Variants in SPON1 observed in about 807,000 individuals in gnomAD.
SPON1 encodes the protein spondin-1.
SPON1 carries 52 observed loss-of-function variants against 111.7 expected under a neutral mutation model. The observed-to-expected ratio is 0.47, with a 90% confidence interval of 0.37 to 0.59. SPON1 has a LOEUF of 0.59. SPON1 is among the 20% of genes least tolerant of loss of function. SPON1 has a pLI of 0.00. For synonymous variants in SPON1, 410 were observed against 395.8 expected (o/e 1.04, Z -0.43); for missense variants, 957 against 1,068.5 (o/e 0.90, Z 1.46).
intron 6 of SPON1, among the ~76,000 whole-genome samples, chr11:14,140,783 T>C (rs1392166637): frequency 2.0e-5 from 3 of 152,108 alleles, no homozygotes; most frequent in African/African-American, 7.2e-5. Context: ...TGTATTTTCT[T>C]CTCCTGGTCC....
chr11:13,993,765 G>T (rs543975377), intron 2 of SPON1, among the ~76,000 whole-genome samples: 1 of 152,264 alleles, frequency 6.6e-6, no homozygotes, highest in East Asian at 1.9e-4. Flanking sequence ...GAGTATCCCT[G>T]GCAGCAACTA....
At chr11:14,143,886 G>A (rs2133864864) in intron 6 of SPON1, among the ~76,000 whole-genome samples, 1 of 152,222 alleles carries the variant, frequency 6.6e-6, no homozygotes, top group South Asian at 2.1e-4. Flanking sequence ...GATATGGAAA[G>A]GCAGAGGTCA....
intron 6 of SPON1, among the ~76,000 whole-genome samples, chr11:14,144,694 A>G (rs1296084277): frequency 2.6e-5 from 4 of 151,484 alleles, no homozygotes; most frequent in Non-Finnish European, 5.9e-5. Context: ...TAAAAACCCA[A>G]AGAAGACTTT....
rs77074788 is a variant in SPON1 at position 14,264,723 on chromosome 11, A to G, written c.2261-801A>G. Among the ~76,000 whole-genome samples the G allele has an allele frequency of 2.7e-3, 404 of 152,328 alleles. 12 individuals are homozygous for G. The East Asian group carries it at 0.064, about 24-fold the overall frequency. On this transcript the variant is annotated intron_variant, in intron 15 of 15. Transcript: ENST00000576479. ...TGTGGTTAACAAATATCTCATGTGTAACCATAAATGTGGTGGGTTCTATAA... is the reference window on the plus strand; with the variant it reads ...TGTGGTTAACAAATATCTCATGTGTGACCATAAATGTGGTGGGTTCTATAA...
chr11:14,146,603 G>A (rs926535627), intron 6 of SPON1, among the ~76,000 whole-genome samples: 1 of 152,098 alleles, frequency 6.6e-6, no homozygotes, highest in African/African-American at 2.4e-5. Context: ...AAATTATACA[G>A]GCTGACGCTA....
chr11:14,035,073 G>A (rs1335697290), intron 2 of SPON1, among the ~76,000 whole-genome samples: 3 of 152,178 alleles, frequency 2.0e-5, no homozygotes, highest in East Asian at 1.9e-4. Flanking sequence ...AAAATATGAA[G>A]CAAAAGTACT....
intron 6 of SPON1, among the ~76,000 whole-genome samples, chr11:14,225,186 A>ACACT (rs527626918): frequency 3.8e-4 from 58 of 152,256 alleles, no homozygotes; most frequent in African/African-American, 1.3e-3. Flanking sequence ...CATAAATGTC[A>ACACT]CACTCGGGCA....
chr11:14,059,411 C>G (rs999201708), intron 3 of SPON1, among the ~76,000 whole-genome samples: 7 of 152,084 alleles, frequency 4.6e-5, no homozygotes, highest in African/African-American at 1.7e-4. Flanking sequence ...TGCATGTGGT[C>G]TCAGGCAGGA....
chr11:14,040,492 A>T (rs1220329186), intron 2 of SPON1, among the ~76,000 whole-genome samples: 4 of 152,214 alleles, frequency 2.6e-5, no homozygotes, highest in African/African-American at 9.6e-5. Flanking sequence ...GATAAAAAGT[A>T]TAAAGATAAA....
At chr11:14,223,358 T>G (rs1554937777) in intron 6 of SPON1, among the ~76,000 whole-genome samples, 1 of 152,188 alleles carries the variant, frequency 6.6e-6, no homozygotes. Flanking sequence ...AGTAAGACCC[T>G]GTCTCATAAA....
At chr11:14,029,174 C>A (rs1848540659) in intron 2 of SPON1, among the ~76,000 whole-genome samples, 1 of 151,920 alleles carries the variant, frequency 6.6e-6, no homozygotes. Context: ...TCTACTGGAG[C>A]CTGTCCATTG....
intron 7 of SPON1, among the ~76,000 whole-genome samples, chr11:14,246,572 T>C (rs566473317): frequency 3.9e-5 from 6 of 152,306 alleles, no homozygotes; most frequent in African/African-American, 1.4e-4. Context: ...ATTAACAATG[T>C]GACCACACCA....
chr11:14,096,660 T>C (rs573236929), intron 5 of SPON1, among the ~76,000 whole-genome samples: 187 of 152,292 alleles, frequency 1.2e-3, no homozygotes, highest in Non-Finnish European at 2.4e-3. Context: ...CTCTCCCTCC[T>C]GGTTCCTGAA....
chr11:14,105,806 A>G (rs2133845878), intron 5 of SPON1, among the ~76,000 whole-genome samples: 1 of 152,282 alleles, frequency 6.6e-6, no homozygotes, highest in East Asian at 1.9e-4. Flanking sequence ...TTCCTCCTGG[A>G]GGTCCAAAAA....
chr11:14,066,759 C>T (rs1848835574), intron 3 of SPON1, among the ~76,000 whole-genome samples: 1 of 152,176 alleles, frequency 6.6e-6, no homozygotes, highest in Non-Finnish European at 1.5e-5. Context: ...AGGCCTGACC[C>T]AGCACAGGGA....
intron 2 of SPON1, among the ~76,000 whole-genome samples, chr11:14,026,221 A>T (rs1211417656): frequency 6.6e-6 from 1 of 152,180 alleles, no homozygotes; most frequent in African/African-American, 2.4e-5. Flanking sequence ...TTCTCTTCAG[A>T]TATTTGATTT....
chr11:14,255,404 C>T (rs1245998145), intron 8 of SPON1, among the ~76,000 whole-genome samples: 2 of 152,180 alleles, frequency 1.3e-5, no homozygotes, highest in African/African-American at 4.8e-5. Flanking sequence ...CTGGGATGGC[C>T]TCTCTGAAAC....
chr11:13,970,270 C>T (rs1554908460), intron 1 of SPON1, among the ~76,000 whole-genome samples: 1 of 152,110 alleles, frequency 6.6e-6, no homozygotes, highest in Non-Finnish European at 1.5e-5. Context: ...ACTAGAAGTC[C>T]TTTGTGAGGT....
chr11:14,001,333 C>T (rs782415716), intron 2 of SPON1, among the ~76,000 whole-genome samples: 6 of 152,134 alleles, frequency 3.9e-5, no homozygotes, highest in Non-Finnish European at 8.8e-5. Context: ...CAGGTTCTCA[C>T]GGTGAAAATC....
Sources: allele counts gnomAD v4.1 joint callset (sites outside exome capture counted in the v4.1 genomes callset), GRCh38; gene constraint gnomAD v4.1.1; transcripts MANE v1.5; gene names NCBI Gene and HGNC (gene_info 2026-07-23, HGNC 2026-07-21).